Variants in LMX1A observed in about 807,000 individuals in gnomAD.
LMX1A encodes LIM homeobox transcription factor 1 alpha, also known as LIM homeobox transcription factor 1-alpha.
LMX1A carries 15 observed loss-of-function variants against 49.1 expected under a neutral mutation model. The observed-to-expected ratio is 0.31, with a 90% CI of 0.20 to 0.47. The LOEUF is 0.47. Ranked by LOEUF, LMX1A falls within the 20% of genes least tolerant of loss-of-function variation. LMX1A has a pLI of 1.00. For missense variants in LMX1A, 372 were observed against 475.8 expected, an observed-to-expected ratio of 0.78 and a Z score of 2.03; for synonymous variants, 167 against 185.7, an observed-to-expected ratio of 0.90 and a Z score of 0.82.
intron 4 of LMX1A, among the ~76,000 whole-genome samples, chr1:165,246,148 A>T (rs1652842407): frequency 6.6e-6 from 1 of 152,116 alleles, no homozygotes; most frequent in African/African-American, 2.4e-5. Context: ...GATTTAATTC[A>T]ATTCATTAGG....
intron 3 of LMX1A, among the ~76,000 whole-genome samples, chr1:165,305,915 A>G (rs750447256): frequency 1.1e-4 from 17 of 152,204 alleles, no homozygotes; most frequent in Non-Finnish European, 2.2e-4. Context: ...TGGTCCTGAC[A>G]TTCTGCACAC....
chr1:165,253,780 G>A (rs777794751), intron 3 of LMX1A, among the ~76,000 whole-genome samples: 6 of 152,150 alleles, frequency 3.9e-5, no homozygotes, highest in East Asian at 1.9e-4. Context: ...GGAATGGCTC[G>A]TTTATCACTA....
intron 3 of LMX1A, among the ~76,000 whole-genome samples, chr1:165,310,652 G>A (rs562119414): frequency 6.6e-6 from 1 of 152,166 alleles, no homozygotes; most frequent in African/African-American, 2.4e-5. Context: ...TATTCTCCCC[G>A]TTTCCTTCTC....
At chr1:165,232,469 C>T (rs2102621875) in intron 4 of LMX1A, among the ~76,000 whole-genome samples, 1 of 152,120 alleles carries the variant, frequency 6.6e-6, no homozygotes, top group South Asian at 2.1e-4. Flanking sequence ...CCATGAGACA[C>T]TAGGCAAAGG....
At chr1:165,280,011 T>C (rs1480378910) in intron 3 of LMX1A, among the ~76,000 whole-genome samples, 1 of 151,868 alleles carries the variant, frequency 6.6e-6, no homozygotes, top group Admixed American at 6.6e-5. Context: ...GAGAGAAAAA[T>C]TGAACACACC....
Position 165,235,319 on chromosome 1 carries a change from TGA to T in LMX1A, c.496+14087_496+14088del, listed in dbSNP as rs201228311. 4.8e-3 allele frequency among the ~76,000 whole-genome samples: 727 copies of T among 152,284 alleles called. 10 individuals carry two copies. Among genetic ancestry groups the T allele is most frequent in the African/African-American group, 0.016 (683 of 41,544 alleles). Reference sequence around the variant, plus strand: ...GCATGTGCGAGGAGGGCTGGAGGCATGAGCGAAAGAGGGAAGGCAATCTCGGT... The same window carrying T: ...GCATGTGCGAGGAGGGCTGGAGGCATGCGAAAGAGGGAAGGCAATCTCGGT... On this transcript the variant is annotated intron_variant, in intron 4 of 8. Coordinates refer to ENST00000342310, the MANE Select transcript of LMX1A (RefSeq NM_177398.4).
In LMX1A at chr1:165,301,751, T is replaced by C. The variant is rs142359172; in HGVS notation, c.263+51325A>G. Among the ~76,000 whole-genome samples, 269 of 152,316 alleles carry C rather than the reference T, an allele frequency of 1.8e-3. 1 individual carries two copies. The highest frequency in any genetic ancestry group is 4.8e-3 in the African/African-American group (199 of 41,578). ...AAACAAAACAAAACAAGAACAAGAA[T>C]AAGAAGAATGAAAGAACAAACTGGT... is the stretch of plus-strand genomic sequence containing the variant. On this transcript the variant is annotated intron_variant, in intron 3 of 8. Coordinates refer to ENST00000342310, the MANE Select transcript of LMX1A (RefSeq NM_177398.4).
At chr1:165,235,146 G>A (rs1371881270) in intron 4 of LMX1A, among the ~76,000 whole-genome samples, 2 of 137,440 alleles carry the variant, frequency 1.5e-5, no homozygotes, top group Non-Finnish European at 3.1e-5. Context: ...AGGAGAGACA[G>A]TTAGAGCGTA....
chr1:165,306,332 G>T (rs915285330), intron 3 of LMX1A, among the ~76,000 whole-genome samples: 3 of 152,098 alleles, frequency 2.0e-5, no homozygotes, highest in African/African-American at 7.2e-5. Context: ...GACTTGTTTG[G>T]GCAGTGGAAT....
chr1:165,247,770 G>C (rs948371679), intron 4 of LMX1A, among the ~76,000 whole-genome samples: 1 of 152,260 alleles, frequency 6.6e-6, no homozygotes, highest in East Asian at 1.9e-4. Context: ...CTATTAGTAG[G>C]TATGATCATC....
At chr1:165,251,915 T>C (rs1234026220) in intron 3 of LMX1A, among the ~76,000 whole-genome samples, 3 of 152,296 alleles carry the variant, frequency 2.0e-5, no homozygotes, top group South Asian at 4.1e-4. Flanking sequence ...ACTGGAGGCC[T>C]GGGCTCTGCT....
chr1:165,331,477 A>G (rs1655740293), intron 3 of LMX1A, among the ~76,000 whole-genome samples: 3 of 152,232 alleles, frequency 2.0e-5, no homozygotes, highest in African/African-American at 4.8e-5. Flanking sequence ...AAATGTTGCT[A>G]GTGGCTACTA....
chr1:165,347,538 A>T (rs2101769029), intron 3 of LMX1A, among the ~76,000 whole-genome samples: 1 of 152,364 alleles, frequency 6.6e-6, no homozygotes, highest in Non-Finnish European at 1.5e-5. Flanking sequence ...TTACAAATCC[A>T]TGTCAGAAAA....
At position 165,275,515 on chromosome 1, in the gene LMX1A, T is replaced by C. The variant is rs575376593; in HGVS notation, c.264-25875A>G. The stretch of plus-strand genomic sequence containing the variant: ...CACGTAACTTCTAGTCATCTCCCAA[T>C]ATTCATAGACCCTTCCTTCCCATAT... On this transcript the variant is annotated intron_variant, in intron 3 of 8. Coordinates refer to ENST00000342310, the MANE Select transcript of LMX1A (RefSeq NM_177398.4). 2.0e-5 allele frequency among the ~76,000 whole-genome samples: 3 copies of C among 152,308 alleles called. No homozygotes were observed. In the East Asian group the frequency reaches 5.8e-4, roughly 29 times the overall value.
chr1:165,218,232 G>A (rs1278679843), intron 4 of LMX1A, among the ~76,000 whole-genome samples: 1 of 152,204 alleles, frequency 6.6e-6, no homozygotes, highest in South Asian at 2.1e-4. Context: ...CTGGAGGCAG[G>A]AAACACTGCT....
At chr1:165,324,767 C>T (rs1332686816) in intron 3 of LMX1A, among the ~76,000 whole-genome samples, 1 of 152,140 alleles carries the variant, frequency 6.6e-6, no homozygotes, top group Non-Finnish European at 1.5e-5. Context: ...AAATAATTTG[C>T]CCATTTTTAC....
At chr1:165,248,572 T>C (rs992873581) in intron 4 of LMX1A, among the ~76,000 whole-genome samples, 2 of 152,204 alleles carry the variant, frequency 1.3e-5, no homozygotes, top group Admixed American at 1.3e-4. Flanking sequence ...TAACCTCGCC[T>C]GTCTCCTCTC....
chr1:165,341,035 C>A (rs1656058961), intron 3 of LMX1A, among the ~76,000 whole-genome samples: 1 of 152,228 alleles, frequency 6.6e-6, no homozygotes, highest in Admixed American at 6.5e-5. Flanking sequence ...TCTACCCACA[C>A]TCCTACCAGT....
At chr1:165,315,330 AAG>A (rs1192386174) in intron 3 of LMX1A, among the ~76,000 whole-genome samples, 1 of 152,154 alleles carries the variant, frequency 6.6e-6, no homozygotes, top group Non-Finnish European at 1.5e-5. Flanking sequence ...ACACTAACGA[AAG>A]AATATTCAGG....
Sources: allele counts gnomAD v4.1 joint callset (sites outside exome capture counted in the v4.1 genomes callset), GRCh38; gene constraint gnomAD v4.1.1; transcripts MANE v1.5; gene names NCBI Gene and HGNC (gene_info 2026-07-23, HGNC 2026-07-21).